The following POFUT3 variants were observed in gnomAD, a reference collection of about 807,000 sequenced individuals.
POFUT3 encodes GDP-fucose protein O-fucosyltransferase 3.
the POFUT3 span, among the ~76,000 whole-genome samples, chr8:33,326,858 T>C: frequency 6.6e-6 from 1 of 152,198 alleles, no homozygotes; most frequent in East Asian, 1.9e-4. Flanking sequence ...GCTCGCTGCA[T>C]CCTCAAACTC....
At chr8:33,464,107 A>G in the POFUT3 span, among the ~76,000 whole-genome samples, 3 of 152,162 alleles carry the variant, frequency 2.0e-5, no homozygotes, top group Non-Finnish European at 2.9e-5. Flanking sequence ...TTTATGAGCT[A>G]TGATTGGTAA....
chr8:33,404,269 C>T, the POFUT3 span, among the ~76,000 whole-genome samples: 3 of 149,886 alleles, frequency 2.0e-5, no homozygotes, highest in East Asian at 5.9e-4. Flanking sequence ...ACCCGGGAAG[C>T]GGAGGCTGCA....
chr8:33,470,389 C>T, the POFUT3 span, among the ~76,000 whole-genome samples: 1 of 152,058 alleles, frequency 6.6e-6, no homozygotes, highest in Non-Finnish European at 1.5e-5. Flanking sequence ...CACTGCACTC[C>T]AGCCTGGGTG....
chr8:33,326,296 G>C, the POFUT3 span, among the ~76,000 whole-genome samples: 1 of 152,150 alleles, frequency 6.6e-6, no homozygotes, highest in Admixed American at 6.5e-5. Flanking sequence ...CTACACTGGG[G>C]CTCCAGCATG....
the POFUT3 span, among the ~76,000 whole-genome samples, chr8:33,353,386 T>C: frequency 6.6e-6 from 1 of 152,208 alleles, no homozygotes; most frequent in Non-Finnish European, 1.5e-5. Context: ...GTCTGGAGAT[T>C]CTGATCAAGT....
chr8:33,469,803 C>CTTTTTTTTTTTTTTTTTTTTTTTTTTT, the POFUT3 span, among the ~76,000 whole-genome samples: 1 of 108,764 alleles, frequency 9.2e-6, no homozygotes. Flanking sequence ...TTTACTTTTT[C>CTTTTTTTTTTTTTTTTTTTTTTTTTTT]TTTTTTTTTT....
chr8:33,433,882 C>T, the POFUT3 span, among the ~76,000 whole-genome samples: 10 of 151,294 alleles, frequency 6.6e-5, no homozygotes, highest in South Asian at 2.1e-4. Flanking sequence ...GTGGGAGGAT[C>T]GCTTGGGCCT....
chr8:33,380,266 A>G, the POFUT3 span, among the ~76,000 whole-genome samples: 1 of 114,600 alleles, frequency 8.7e-6, no homozygotes, highest in Non-Finnish European at 1.7e-5. Flanking sequence ...TATAGTAGAA[A>G]AGGGAGACAA....
the POFUT3 span, among the ~76,000 whole-genome samples, chr8:33,409,642 A>C: frequency 0.27 from 41,352 of 151,916 alleles, 5,866 homozygotes; most frequent in South Asian, 0.44. Flanking sequence ...GCAGTGACTC[A>C]CGCCTATAAT....
At chr8:33,333,032 C>G in the POFUT3 span, among the ~76,000 whole-genome samples, 2 of 152,184 alleles carry the variant, frequency 1.3e-5, no homozygotes, top group Admixed American at 1.3e-4. Context: ...TCTAAAATGT[C>G]TACAAGATAG....
the POFUT3 span, among the ~76,000 whole-genome samples, chr8:33,444,336 T>G: frequency 6.6e-6 from 1 of 151,934 alleles, no homozygotes; most frequent in Non-Finnish European, 1.5e-5. Flanking sequence ...GGAAAATGCT[T>G]CCATGTCTGA....
At chr8:33,420,913 A>C in the POFUT3 span, among the ~76,000 whole-genome samples, 1 of 151,952 alleles carries the variant, frequency 6.6e-6, no homozygotes, top group East Asian at 1.9e-4. Flanking sequence ...AATATGTAAA[A>C]TTATTTGTCA....
At chr8:33,379,990 AG>A in the POFUT3 span, among the ~76,000 whole-genome samples, 15,201 of 81,626 alleles carry the variant, frequency 0.19, 2,812 homozygotes, top group East Asian at 0.4. Context: ...CTATATATAT[AG>A]TATATATATA....
the POFUT3 span, among the ~76,000 whole-genome samples, chr8:33,337,116 C>T: frequency 1.8e-3 from 268 of 152,256 alleles, no homozygotes; most frequent in African/African-American, 5.9e-3. Context: ...GAAGCCTCTG[C>T]CTTTGGTTTG....
the POFUT3 span, chr8:33,461,462 C>G: frequency 6.2e-7 from 1 of 1,613,498 alleles, no homozygotes; most frequent in East Asian, 2.2e-5. Flanking sequence ...TGCTGCCCTG[C>G]CCTGGGTGAC....
At chr8:33,451,416 AC>A in the POFUT3 span, among the ~76,000 whole-genome samples, 1 of 152,086 alleles carries the variant, frequency 6.6e-6, no homozygotes, top group Admixed American at 6.6e-5. Context: ...GTACATGTAT[AC>A]ATGTGTGTAT....
chr8:33,329,673 C>A, the POFUT3 span, among the ~76,000 whole-genome samples: 1 of 152,078 alleles, frequency 6.6e-6, no homozygotes, highest in Non-Finnish European at 1.5e-5. Context: ...TCATTTTACT[C>A]TTAAGTAAAT....
the POFUT3 span, among the ~76,000 whole-genome samples, chr8:33,337,701 G>A: frequency 2.6e-5 from 4 of 152,162 alleles, no homozygotes; most frequent in African/African-American, 4.8e-5. Context: ...TAACCTAGAT[G>A]AGATGGATGA....
chr8:33,450,951 A>G, the POFUT3 span, among the ~76,000 whole-genome samples: 2 of 152,126 alleles, frequency 1.3e-5, no homozygotes, highest in Non-Finnish European at 2.9e-5. Flanking sequence ...ACAGACCCAC[A>G]CCAAAGCAGT....
Sources: allele counts gnomAD v4.1 joint callset (sites outside exome capture counted in the v4.1 genomes callset), GRCh38; gene constraint gnomAD v4.1.1; transcripts MANE v1.5; gene names NCBI Gene and HGNC (gene_info 2026-07-23, HGNC 2026-07-21).